Variants in RNF38 observed in about 807,000 individuals in gnomAD.
RNF38 encodes the protein ring finger protein 38.
RNF38 carries 15 observed loss-of-function variants against 67.2 expected under a neutral mutation model. The ratio of observed to expected loss-of-function variants is 0.22; its 90% CI spans 0.15 to 0.34. The LOEUF (loss-of-function observed/expected upper bound fraction) is 0.34. Ranked by LOEUF, RNF38 falls within the 10% of genes least tolerant of loss-of-function variation. The pLI, the probability that RNF38 is intolerant of heterozygous loss-of-function variation, is 1.00. For missense variants in RNF38, 524 were observed against 639.9 expected (o/e 0.82, Z 1.95); for synonymous variants, 220 against 218.8 (o/e 1.01, Z -0.05).
At chr9:36,416,607 G>A (rs1475712695) in intron 2 of RNF38, among the ~76,000 whole-genome samples, 3 of 152,108 alleles carry the variant, frequency 2.0e-5, no homozygotes, top group African/African-American at 4.8e-5. Flanking sequence ...TAGGCTGTAA[G>A]TTTTCTTCTC....
At chr9:36,354,317 T>A (rs1230471529) in intron 6 of RNF38, among the ~76,000 whole-genome samples, 1 of 152,158 alleles carries the variant, frequency 6.6e-6, no homozygotes, top group East Asian at 1.9e-4. Context: ...CTCAGCCTCC[T>A]GAGTAGCTGG....
At chr9:36,339,884 C>A (rs1832716944) in intron 11 of RNF38, 70 bp from the exon 12 acceptor site, 2 of 1,227,796 alleles carry the variant, frequency 1.6e-6, no homozygotes, top group Admixed American at 3.8e-5. Flanking sequence ...AGCAATGGAA[C>A]TACTTTTACT....
At chr9:36,418,972 CA>C (rs1433488585) in intron 2 of RNF38, among the ~76,000 whole-genome samples, 1 of 151,938 alleles carries the variant, frequency 6.6e-6, no homozygotes, top group Non-Finnish European at 1.5e-5. Context: ...CAAAAATAAA[CA>C]AATAAATACT....
At chr9:36,481,220 G>A (rs1840254349) in intron 1 of RNF38, among the ~76,000 whole-genome samples, 2 of 151,870 alleles carry the variant, frequency 1.3e-5, no homozygotes, top group African/African-American at 2.4e-5. Context: ...TCACCATGTT[G>A]GTCAGGCTGG....
At chr9:36,436,308 C>T (rs1839064131) in intron 1 of RNF38, among the ~76,000 whole-genome samples, 1 of 152,078 alleles carries the variant, frequency 6.6e-6, no homozygotes, top group Admixed American at 6.6e-5. Flanking sequence ...AATGGGAAAG[C>T]TGACATTAAA....
chr9:36,383,314 G>C (rs1471916121), intron 2 of RNF38, among the ~76,000 whole-genome samples: 1 of 152,120 alleles, frequency 6.6e-6, no homozygotes, highest in Admixed American at 6.5e-5. Flanking sequence ...CGATTCTCCT[G>C]CCTCAGTCTA....
chr9:36,440,673 A>T (rs938294294), intron 1 of RNF38, among the ~76,000 whole-genome samples: 2 of 152,254 alleles, frequency 1.3e-5, no homozygotes, highest in African/African-American at 4.8e-5. Flanking sequence ...GACTAGAAAT[A>T]CATACAAACT....
intron 4 of RNF38, among the ~76,000 whole-genome samples, chr9:36,361,325 CTGTATTTTT>C (rs981394551): frequency 1.3e-5 from 2 of 151,612 alleles, no homozygotes; most frequent in East Asian, 1.9e-4. Flanking sequence ...CTAATTTTTT[CTGTATTTTT>C]TGTATTTTTT....
chr9:36,467,947 A>G (rs1839903343), intron 1 of RNF38, among the ~76,000 whole-genome samples: 1 of 152,222 alleles, frequency 6.6e-6, no homozygotes, highest in African/African-American at 2.4e-5. Context: ...CAGGACTAGT[A>G]AAGGCAGAAC....
intron 1 of RNF38, among the ~76,000 whole-genome samples, chr9:36,465,503 C>G (rs1389754799): frequency 6.6e-6 from 1 of 152,082 alleles, no homozygotes; most frequent in African/African-American, 2.4e-5. Context: ...TACGCCACCA[C>G]GCCTGGCTGA....
At chr9:36,369,962 A>G in intron 3 of RNF38, 30 bp from the exon 4 acceptor site, 1 of 1,561,612 alleles carries the variant, frequency 6.4e-7, no homozygotes, top group African/African-American at 1.4e-5. Flanking sequence ...GAAAGTCATT[A>G]TGCTTATTGT....
intron 1 of RNF38, among the ~76,000 whole-genome samples, chr9:36,451,074 C>CA (rs1211820777): frequency 6.6e-6 from 1 of 152,176 alleles, no homozygotes; most frequent in Admixed American, 6.5e-5. Flanking sequence ...AGAGAAAACA[C>CA]AGAGGACTGT....
At chr9:36,468,024 A>G (rs1424290956) in intron 1 of RNF38, among the ~76,000 whole-genome samples, 1 of 152,030 alleles carries the variant, frequency 6.6e-6, no homozygotes, top group African/African-American at 2.4e-5. Flanking sequence ...GGGAAGACTG[A>G]GTGAGCTCAG....
chr9:36,381,522 A>C (rs938642484), intron 2 of RNF38, among the ~76,000 whole-genome samples: 8 of 152,210 alleles, frequency 5.3e-5, no homozygotes, highest in Non-Finnish European at 1.2e-4. Flanking sequence ...ACAGGACCTA[A>C]GGCCAAGCCA....
intron 1 of RNF38, among the ~76,000 whole-genome samples, chr9:36,478,794 G>A (rs1840183085): frequency 6.7e-6 from 1 of 148,810 alleles, no homozygotes; most frequent in South Asian, 2.1e-4. Context: ...TCCAGCCTGG[G>A]CAACAAGAGT....
At chr9:36,357,973 T>C in intron 4 of RNF38, 31 bp from the exon 5 acceptor site, 2 of 1,585,266 alleles carry the variant, frequency 1.3e-6, no homozygotes, top group East Asian at 2.2e-5. Flanking sequence ...GAACAAACTT[T>C]AGCTGTTTAG....
At chr9:36,360,760 T>C (rs1564008464) in intron 4 of RNF38, among the ~76,000 whole-genome samples, 1 of 152,180 alleles carries the variant, frequency 6.6e-6, no homozygotes, top group Non-Finnish European at 1.5e-5. Flanking sequence ...AAACTATTGA[T>C]TTCTAATAAA....
intron 1 of RNF38, among the ~76,000 whole-genome samples, chr9:36,467,888 C>T (rs1197122401): frequency 6.6e-6 from 1 of 152,088 alleles, no homozygotes; most frequent in Non-Finnish European, 1.5e-5. Context: ...GAAATAATTA[C>T]AAAGTAGGGG....
chr9:36,441,104 G>A (rs1440397471), intron 1 of RNF38, among the ~76,000 whole-genome samples: 2 of 152,048 alleles, frequency 1.3e-5, no homozygotes, highest in African/African-American at 2.4e-5. Context: ...GGTGTTAGAA[G>A]AAAAGATGAG....
Sources: gnomAD v4.1 joint callset for allele counts (sites outside exome capture counted in the v4.1 genomes callset) on GRCh38, gnomAD v4.1.1 for gene constraint, MANE v1.5 for transcripts, NCBI Gene and HGNC (gene_info 2026-07-23, HGNC 2026-07-21) for gene names.